The following SNX29 variants were observed in gnomAD, a reference collection of about 807,000 sequenced individuals.
SNX29 encodes sorting nexin 29.
A neutral mutation model predicts 102.1 loss-of-function variants in SNX29; 78 were observed. That is an observed-to-expected ratio of 0.76 (90% CI 0.64 to 0.92). The LOEUF (loss-of-function observed/expected upper bound fraction) is 0.92. Among genes scored for constraint, SNX29 ranks in the 40% least tolerant of loss-of-function variants. SNX29 has a pLI of 0.00. For synonymous variants in SNX29, 580 were observed against 414.5 expected, an observed-to-expected ratio of 1.40 and a Z score of -4.85; for missense variants, 1,280 against 1,061.7, an observed-to-expected ratio of 1.21 and a Z score of -2.86.
intron 14 of SNX29, among the ~76,000 whole-genome samples, chr16:12,257,026 T>C (rs978441130): frequency 2.0e-5 from 3 of 152,348 alleles, no homozygotes; most frequent in Admixed American, 6.5e-5. Flanking sequence ...TTCAATGGGC[T>C]GAATGAGGTG....
chr16:12,347,278 A>G (rs991567625), intron 15 of SNX29, among the ~76,000 whole-genome samples: 3 of 151,970 alleles, frequency 2.0e-5, no homozygotes, highest in African/African-American at 7.3e-5. Flanking sequence ...AATTTATTAC[A>G]TGGTGGCTTT....
intron 14 of SNX29, among the ~76,000 whole-genome samples, chr16:12,257,183 C>G (rs2078598843): frequency 6.6e-6 from 1 of 152,124 alleles, no homozygotes; most frequent in Admixed American, 6.5e-5. Context: ...GCCCTGAGCT[C>G]TGGAGGCCCC....
intron 18 of SNX29, among the ~76,000 whole-genome samples, chr16:12,429,366 C>G (rs968157846): frequency 6.6e-6 from 1 of 152,214 alleles, no homozygotes; most frequent in African/African-American, 2.4e-5. Flanking sequence ...AGCTTTTCTT[C>G]TGTGCATTTT....
At chr16:12,071,401 T>C (rs2151308592) in intron 10 of SNX29, among the ~76,000 whole-genome samples, 1 of 152,310 alleles carries the variant, frequency 6.6e-6, no homozygotes, top group South Asian at 2.1e-4. Context: ...TAGCCAGTTT[T>C]CCCAGCACCA....
intron 14 of SNX29, among the ~76,000 whole-genome samples, chr16:12,239,695 A>G (rs566547161): frequency 3.8e-4 from 56 of 148,568 alleles, no homozygotes; most frequent in South Asian, 6.4e-4. Context: ...GATGTGCACA[A>G]TGTGGTCCCA....
At chr16:12,405,850 A>G (rs1223060026) in intron 18 of SNX29, among the ~76,000 whole-genome samples, 1 of 152,076 alleles carries the variant, frequency 6.6e-6, no homozygotes, top group Non-Finnish European at 1.5e-5. Flanking sequence ...CCTGGCCAAC[A>G]TAGTGAAACC....
intron 18 of SNX29, among the ~76,000 whole-genome samples, chr16:12,411,380 G>A (rs748011295): frequency 9.9e-5 from 15 of 152,264 alleles, no homozygotes; most frequent in East Asian, 7.7e-4. Flanking sequence ...CCACCCCGGC[G>A]TTCTGAGGAT....
chr16:12,106,039 C>T (rs1242700965), intron 11 of SNX29, among the ~76,000 whole-genome samples: 1 of 152,122 alleles, frequency 6.6e-6, no homozygotes, highest in Admixed American at 6.5e-5. Context: ...ACAGAGCCAA[C>T]GTTTCCATCT....
At chr16:12,337,032 C>A (rs1400028094) in intron 15 of SNX29, among the ~76,000 whole-genome samples, 1 of 152,166 alleles carries the variant, frequency 6.6e-6, no homozygotes, top group African/African-American at 2.4e-5. Context: ...CAGAGTTGGC[C>A]AGGCCTGGGA....
intron 15 of SNX29, among the ~76,000 whole-genome samples, chr16:12,343,983 T>C (rs140291441): frequency 0.014 from 2,113 of 152,274 alleles, 47 homozygotes; most frequent in African/African-American, 0.048. Context: ...CAGTGTGAGA[T>C]AATTGAATCA....
At chr16:12,384,538 T>A (rs2083283155) in intron 16 of SNX29, among the ~76,000 whole-genome samples, 1 of 152,214 alleles carries the variant, frequency 6.6e-6, no homozygotes, top group Admixed American at 6.5e-5. Flanking sequence ...TCGTTTCAGA[T>A]CTTTTGCCTG....
At chr16:12,417,285 T>G (rs996644196) in intron 18 of SNX29, among the ~76,000 whole-genome samples, 2 of 152,236 alleles carry the variant, frequency 1.3e-5, no homozygotes, top group Non-Finnish European at 2.9e-5. Context: ...GGGCTTCCTG[T>G]GTTCAGCATC....
chr16:12,074,545 G>C (rs1045424726), intron 10 of SNX29, among the ~76,000 whole-genome samples: 7 of 152,180 alleles, frequency 4.6e-5, no homozygotes, highest in Non-Finnish European at 8.8e-5. Context: ...CTGTTAGTCT[G>C]ATGGGCTTCC....
At chr16:12,562,001 T>C (rs2141485119) in intron 20 of SNX29, among the ~76,000 whole-genome samples, 1 of 152,264 alleles carries the variant, frequency 6.6e-6, no homozygotes, top group Admixed American at 6.5e-5. Flanking sequence ...CAATGGACCC[T>C]GCAACCCAGG....
In SNX29 at chr16:12,527,247, C is replaced by G. The variant is rs567410698; in HGVS notation, c.2318+2406C>G. ...GGATCAGCCACAGCCAAGCCTTACC[C>G]GTGCTGACGAATCTCCATGTGATCG... On this transcript the variant is annotated intron_variant, in intron 20 of 20. Coordinates refer to ENST00000566228, the MANE Select transcript of SNX29 (RefSeq NM_032167.5). The G allele has an allele frequency of 5.0e-4, 269 of 533,236 alleles. 2 individuals are homozygous for G. The highest frequency in any genetic ancestry group is 9.0e-4 in the Non-Finnish European group (248 of 274,042). The allele number at this position is 533,236 out of a possible 1,614,324, so 33.0% of individuals were successfully genotyped here. A position where few individuals can be genotyped will look rare whatever the true frequency, so the allele number is the denominator to read the frequency against.
At chr16:12,542,005 G>T (rs766125550) in intron 20 of SNX29, among the ~76,000 whole-genome samples, 1 of 152,162 alleles carries the variant, frequency 6.6e-6, no homozygotes, top group African/African-American at 2.4e-5. Context: ...AAGGGCTCAC[G>T]TTTGCAGCAC....
intron 14 of SNX29, 21 bp from the exon 15 acceptor site, chr16:12,277,912 C>G: frequency 6.3e-7 from 1 of 1,578,510 alleles, no homozygotes. Flanking sequence ...ATATTTATGA[C>G]ATGTCTCTCT....
At chr16:12,221,012 G>A (rs2077461672) in intron 14 of SNX29, among the ~76,000 whole-genome samples, 1 of 152,120 alleles carries the variant, frequency 6.6e-6, no homozygotes. Flanking sequence ...AGTCTGCCTC[G>A]ATGCTCACCC....
At chr16:12,495,285 G>A (rs2088765247) in intron 19 of SNX29, among the ~76,000 whole-genome samples, 1 of 152,066 alleles carries the variant, frequency 6.6e-6, no homozygotes, top group Non-Finnish European at 1.5e-5. Flanking sequence ...CCAAGTAGTT[G>A]GGATTACAGA....
Sources: gnomAD v4.1 joint callset for allele counts (sites outside exome capture counted in the v4.1 genomes callset) on GRCh38, gnomAD v4.1.1 for gene constraint, MANE v1.5 for transcripts, NCBI Gene and HGNC (gene_info 2026-07-23, HGNC 2026-07-21) for gene names.